The following SPATA13 variants were observed in gnomAD, a reference collection of about 807,000 sequenced individuals.
The protein encoded by SPATA13 is spermatogenesis-associated protein 13.
A neutral mutation model predicts 104.0 loss-of-function variants in SPATA13; 50 were observed. The observed-to-expected ratio is 0.48, with a 90% CI of 0.38 to 0.61. The LOEUF is 0.61. Among genes scored for constraint, SPATA13 ranks in the 20% least tolerant of loss-of-function variants. The pLI, the probability that SPATA13 is intolerant of heterozygous loss-of-function variation, is 0.00. For missense variants in SPATA13, 1,524 were observed against 1,690.6 expected (o/e 0.90, Z 1.73); for synonymous variants, 606 against 667.5 (o/e 0.91, Z 1.42).
intron 2 of SPATA13, among the ~76,000 whole-genome samples, chr13:24,239,703 A>AG (rs1170862925): frequency 9.1e-5 from 13 of 142,748 alleles, no homozygotes; most frequent in African/African-American, 3.9e-4. Flanking sequence ...TAAAAAAAAA[A>AG]AAAAAAAAAA....
At chr13:24,125,205 C>T (rs1881169980) in intron 3 of SPATA13, among the ~76,000 whole-genome samples, 1 of 152,240 alleles carries the variant, frequency 6.6e-6, no homozygotes. Context: ...GGAATCGGTG[C>T]TTAGTGGCTC....
At chr13:24,182,858 G>A (rs187732009) in intron 1 of SPATA13, among the ~76,000 whole-genome samples, 1 of 152,016 alleles carries the variant, frequency 6.6e-6, no homozygotes, top group Non-Finnish European at 1.5e-5. Context: ...CACATCAGTC[G>A]GGCCAGGTAA....
Position 24,223,801 on chromosome 13 carries a change from G to A in SPATA13, c.872G>A (p.Ser291Asn). 6.4e-7 allele frequency: 1 copy of A among 1,551,818 alleles called. No individual in the cohort carries two copies. The highest frequency in any genetic ancestry group is 1.2e-5 in the South Asian group (1 of 84,068). ...GCACGGGTACCACAGAGGACCCTGA[G>A]CAGTTCCTCCACTGACTCCCAAAAG... Reference protein sequence around the residue: ...HDARVPQRTLSSSSTDSQKLG... With the variant: ...HDARVPQRTLNSSSTDSQKLG... The change falls in exon 2 of 13, where the codon AGC becomes AAC. Residue 291 changes from serine (S) to asparagine (N), a missense_variant. Around this residue, in one of 2 missense-constraint regions of SPATA13, gnomAD observed 1,089 missense variants for 1,135.9 expected, o/e 0.96. Transcript: ENST00000382108.
chr13:24,175,892 G>A (rs769509015), intron 1 of SPATA13, among the ~76,000 whole-genome samples: 6 of 152,174 alleles, frequency 3.9e-5, no homozygotes, highest in Non-Finnish European at 5.9e-5. Context: ...ATTTCTCCTT[G>A]AAGATTATTT....
chr13:24,055,288 A>T (rs1401651691), intron 3 of SPATA13, among the ~76,000 whole-genome samples: 1 of 152,202 alleles, frequency 6.6e-6, no homozygotes, highest in Non-Finnish European at 1.5e-5. Flanking sequence ...GATGTTATGT[A>T]TTCATCCTTT....
At chr13:24,192,398 A>G (rs1344712139) in intron 1 of SPATA13, among the ~76,000 whole-genome samples, 1 of 151,848 alleles carries the variant, frequency 6.6e-6, no homozygotes, top group African/African-American at 2.4e-5. Context: ...GGTGACTGTG[A>G]TGCCTGCTAC....
chr13:24,141,133 C>T (rs959616799), intron 3 of SPATA13, among the ~76,000 whole-genome samples: 3 of 151,238 alleles, frequency 2.0e-5, no homozygotes, highest in South Asian at 4.2e-4. Context: ...AAGATCATAC[C>T]ACTGCACTCC....
intron 3 of SPATA13, among the ~76,000 whole-genome samples, chr13:24,135,867 C>G (rs982067848): frequency 6.6e-6 from 1 of 152,048 alleles, no homozygotes; most frequent in Non-Finnish European, 1.5e-5. Flanking sequence ...GGAGTGATTC[C>G]TCAGCCCGAC....
chr13:24,106,999 A>G (rs145791550), intron 3 of SPATA13, among the ~76,000 whole-genome samples: 4 of 152,128 alleles, frequency 2.6e-5, no homozygotes, highest in African/African-American at 9.6e-5. Context: ...CTCTCTGAAA[A>G]CTATATTTCT....
At chr13:24,009,666 T>C (rs1215904134) in intron 2 of SPATA13, among the ~76,000 whole-genome samples, 1 of 152,188 alleles carries the variant, frequency 6.6e-6, no homozygotes, top group Non-Finnish European at 1.5e-5. Context: ...GAAAGGAATG[T>C]TTGGGTTAGG....
chr13:24,288,763 A>ATTT (rs2138742298), intron 7 of SPATA13, among the ~76,000 whole-genome samples: 1 of 152,332 alleles, frequency 6.6e-6, no homozygotes, highest in Non-Finnish European at 1.5e-5. Flanking sequence ...TTCTGGAAAC[A>ATTT]TTATATGGTT....
chr13:24,036,490 G>T (rs909680158), intron 3 of SPATA13, among the ~76,000 whole-genome samples: 1 of 152,182 alleles, frequency 6.6e-6, no homozygotes, highest in Non-Finnish European at 1.5e-5. Flanking sequence ...CTGGTTAGGT[G>T]CACTGTAGAA....
At chr13:24,109,908 G>A (rs768044384) in intron 3 of SPATA13, among the ~76,000 whole-genome samples, 1 of 151,142 alleles carries the variant, frequency 6.6e-6, no homozygotes, top group Non-Finnish European at 1.5e-5. Flanking sequence ...ATCAAAGGTG[G>A]CACCTTTTTA....
At chr13:24,002,266 C>T (rs1876012608) in intron 2 of SPATA13, among the ~76,000 whole-genome samples, 1 of 152,152 alleles carries the variant, frequency 6.6e-6, no homozygotes, top group African/African-American at 2.4e-5. Context: ...ATTGAAAAAC[C>T]GTGTTGGTGA....
At chr13:24,025,822 T>TG (rs1877185336) in intron 3 of SPATA13, among the ~76,000 whole-genome samples, 1 of 151,860 alleles carries the variant, frequency 6.6e-6, no homozygotes, top group African/African-American at 2.4e-5. Flanking sequence ...TCTTTTTTTT[T>TG]TTTTTGAGAC....
At chr13:24,112,580 A>T (rs1344322383) in intron 3 of SPATA13, among the ~76,000 whole-genome samples, 1 of 152,106 alleles carries the variant, frequency 6.6e-6, no homozygotes, top group Non-Finnish European at 1.5e-5. Flanking sequence ...ACACAAACCC[A>T]GTAAATGTTT....
chr13:24,020,983 C>T (rs1434058128), intron 3 of SPATA13, among the ~76,000 whole-genome samples: 1 of 152,084 alleles, frequency 6.6e-6, no homozygotes, highest in Non-Finnish European at 1.5e-5. Flanking sequence ...GGTGGTTGCA[C>T]AGGGCCTAGA....
In SPATA13 at chr13:24,011,393, G is replaced by GAGACC. The variant is rs1288721525; in HGVS notation, c.-146-6273_-146-6269dup. Among the ~76,000 whole-genome samples, 1 of 152,196 alleles carries GAGACC rather than the reference G, an allele frequency of 6.6e-6. No homozygotes were observed. The highest frequency in any genetic ancestry group is 1.5e-5 in the Non-Finnish European group (1 of 68,032). The stretch of plus-strand genomic sequence containing the variant: ...AAGTGCTGAGGACTCAGGGATCCCT[G>GAGACC]AGACCGTTCTGGGCAGGTCTGGCTT... On this transcript the variant is annotated intron_variant, in intron 2 of 14. Coordinates refer to the SPATA13 transcript ENST00000424834. This position sits in a 1 kb window ranked among gnomAD's most constrained non-coding sequence, Gnocchi z 4.3.
At chr13:24,220,750 C>A (rs1198231836) in intron 1 of SPATA13, among the ~76,000 whole-genome samples, 1 of 152,196 alleles carries the variant, frequency 6.6e-6, no homozygotes, top group Non-Finnish European at 1.5e-5. Flanking sequence ...GTCATCGTAG[C>A]CTCCCTTGTC....
Sources: allele counts gnomAD v4.1 joint callset (sites outside exome capture counted in the v4.1 genomes callset), GRCh38; gene constraint gnomAD v4.1.1; regional missense constraint gnomAD v4.1.1; non-coding constraint Gnocchi (gnomAD v3.1); transcripts MANE v1.5; gene names NCBI Gene and HGNC (gene_info 2026-07-23, HGNC 2026-07-21).